Variants in PLPP5 observed in about 807,000 individuals in gnomAD.
The protein encoded by PLPP5 is diacylglycerol pyrophosphate like 1.
In PLPP5, 29 loss-of-function variants were observed where a neutral mutation model predicts 23.6. The ratio of observed to expected loss-of-function variants is 1.23; its 90% CI spans 0.92 to 1.68. The LOEUF (loss-of-function observed/expected upper bound fraction) is 1.68, where lower values mean the gene tolerates loss of function less well. Ranked by LOEUF, PLPP5 falls within the 40% of genes most tolerant of loss-of-function variation. The probability of loss-of-function intolerance (pLI) is 0.00; values close to 1 mark genes in which losing one functional copy is unlikely to be tolerated. For missense variants in PLPP5, 315 were observed against 332.1 expected (o/e 0.95, Z 0.40); for synonymous variants, 143 against 131.3 (o/e 1.09, Z -0.61).
At chr8:38,266,776 A>C (rs1322022314) in intron 5 of PLPP5, among the ~76,000 whole-genome samples, 1 of 152,206 alleles carries the variant, frequency 6.6e-6, no homozygotes, top group Non-Finnish European at 1.5e-5. Flanking sequence ...AAAAAGAAAA[A>C]TGAAGGACTT....
At chr8:38,268,235 C>A in intron 3 of PLPP5, 136 bp downstream of exon 3, 1 of 1,065,694 alleles carries the variant, frequency 9.4e-7, no homozygotes. Flanking sequence ...GTGCTATTTT[C>A]CTCTCCCGCG....
intron 3 of PLPP5, 165 bp from the exon 4 acceptor site, chr8:38,268,125 A>G: frequency 7.0e-7 from 1 of 1,431,534 alleles, no homozygotes; most frequent in African/African-American, 1.4e-5. Context: ...GTAGCCGAGA[A>G]CTTTTGTACT....
intron 3 of PLPP5, 65 bp downstream of exon 3, chr8:38,268,306 G>T: frequency 7.1e-7 from 1 of 1,409,996 alleles, no homozygotes; most frequent in South Asian, 1.2e-5. Context: ...CACCGTGGCT[G>T]AATCCCACAA....
chr8:38,264,773 CAT>C (rs1807324070), intron 6 of PLPP5, 169 bp from the exon 7 acceptor site: 1 of 1,469,462 alleles, frequency 6.8e-7, no homozygotes, highest in African/African-American at 1.4e-5. Context: ...TCAATTTTAT[CAT>C]AGTTACAGTA....
At chr8:38,269,042 TC>T in intron 1 of PLPP5, 52 bp from the exon 2 acceptor site, 1 of 1,526,904 alleles carries the variant, frequency 6.5e-7, no homozygotes, top group East Asian at 2.6e-5. Context: ...CCTCCCCGCT[TC>T]CCCACTGCCC....
chr8:38,268,966 G>A lies in PLPP5; in HGVS notation c.99C>T (p.Phe33=), dbSNP rs1182320337. The A allele has an allele frequency of 6.4e-7, 1 of 1,568,782 alleles. No homozygotes were observed. The highest frequency in any genetic ancestry group is 2.4e-5 in the East Asian group (1 of 40,992). ...TCTCCTCCGGCTGGATGAGTCTCTGGAACGGGGGGAGCAGCTCCGTCACCC... is the reference window on the plus strand; with the variant it reads ...TCTCCTCCGGCTGGATGAGTCTCTGAAACGGGGGGAGCAGCTCCGTCACCC... The part of the protein sequence containing the change: ...AFLVTELLPP[F]QRLIQPEEMW... Residue 33 remains phenylalanine (F), a synonymous_variant, in exon 2 of 7, where the codon TTC becomes TTT. Transcript: ENST00000424479.
intron 5 of PLPP5, chr8:38,266,985 G>A (rs1807712460): frequency 1.6e-6 from 2 of 1,266,458 alleles, no homozygotes; most frequent in Non-Finnish European, 2.0e-6. Flanking sequence ...GAAACTCTTC[G>A]TTAAAGGTAT....
In PLPP5 at chr8:38,264,252, A is replaced by G. The variant is rs989105505; in HGVS notation, c.*192T>C. 1.3e-4 allele frequency: 96 copies of G among 753,726 alleles called. No individual in the cohort carries two copies. Among genetic ancestry groups the G allele is most frequent in the Admixed American group, 4.2e-5 (1 of 23,722 alleles). The allele number at this position is 753,726 out of a possible 1,614,324, so 46.7% of individuals were successfully genotyped here. ...AACCTCCAGCTCCCAGGTTCAAGCA[A>G]TTCTCCTACCTCAGCCTCCCAGGTA... On this transcript the variant is annotated 3_prime_UTR_variant, in exon 7 of 7. Coordinates refer to ENST00000424479, the MANE Select transcript of PLPP5 (RefSeq NM_001102559.2).
At chr8:38,267,093 T>G in intron 5 of PLPP5, 174 bp downstream of exon 5, 2 of 1,461,890 alleles carry the variant, frequency 1.4e-6, no homozygotes, top group Non-Finnish European at 1.8e-6. Flanking sequence ...TTCTGTAATA[T>G]TTACCCAAAT....
In PLPP5 at chr8:38,269,193, T is replaced by G. The variant is rs1012417110; in HGVS notation, c.7A>C (p.Lys3Gln). MG[K>Q]AAAAVAFGAE... The stretch of plus-strand genomic sequence containing the variant: ...CCAAAGGCCACCGCCGCCGCCGCCT[T>G]CCCCATCCGGCCGCGAGCTCCGAGC... Residue 3 changes from lysine (K) to glutamine (Q), a missense_variant, in exon 1 of 7, where the codon AAG (lysine) becomes CAG (glutamine). Physicochemically the swap from Lys to Gln is moderately conservative, Grantham distance 53. Transcript: ENST00000424479. 2.2e-4 allele frequency: 325 copies of G among 1,499,974 alleles called. 1 individual carries two copies. Among genetic ancestry groups the G allele is most frequent in the Non-Finnish European group, 2.8e-4 (319 of 1,132,554 alleles). 92.9% of individuals were successfully genotyped at this position (1,499,974 alleles called of 1,614,324 possible). A position where few individuals can be genotyped will look rare whatever the true frequency, so the allele number is the denominator to read the frequency against.
chr8:38,266,700 A>G (rs183449206), intron 5 of PLPP5, among the ~76,000 whole-genome samples: 300 of 152,280 alleles, frequency 2.0e-3, no homozygotes, highest in African/African-American at 6.4e-3. Flanking sequence ...ACACCCGGCC[A>G]TGAGGGTGTT....
In PLPP5 at chr8:38,266,909, C is replaced by T. The variant is rs116854796; in HGVS notation, c.463+358G>A. On this transcript the variant is annotated intron_variant, in intron 5 of 6. Transcript: ENST00000424479. ...GACTCATAAATACAATAGTCCCCAC[C>T]TCATTGGATTATTGTGAGCTATAAT... The T allele has an allele frequency of 6.7e-4, 317 of 473,536 alleles. 2 individuals carry two copies. The East Asian group carries it at 0.018, about 26-fold the overall frequency. The allele number at this position is 473,536 out of a possible 1,614,324, so 29.3% of individuals were successfully genotyped here.
rs2130909157 is a variant in PLPP5 at position 38,264,236 on chromosome 8, C to T, written c.*208G>A. ...GATCTCGGCTCACTGGAACCTCCAG[C>T]TCCCAGGTTCAAGCAATTCTCCTAC... is the stretch of plus-strand genomic sequence containing the variant. On this transcript the variant is annotated 3_prime_UTR_variant, in exon 7 of 7. Coordinates refer to ENST00000424479, the MANE Select transcript of PLPP5 (RefSeq NM_001102559.2). The T allele has an allele frequency of 1.2e-6, 1 of 813,132 alleles. No individual in the cohort carries two copies. Among genetic ancestry groups the T allele is most frequent in the African/African-American group, 1.8e-5 (1 of 55,564 alleles). 50.4% of individuals were successfully genotyped at this position (813,132 alleles called of 1,614,324 possible). A position where few individuals can be genotyped will look rare whatever the true frequency, so the allele number is the denominator to read the frequency against.
chr8:38,266,131 C>T lies in PLPP5; in HGVS notation c.634+10G>A. 5 of 1,613,330 alleles carry T rather than the reference C, an allele frequency of 3.1e-6. No homozygotes were observed. Among genetic ancestry groups the T allele is most frequent in the Non-Finnish European group, 4.2e-6 (5 of 1,179,430 alleles). On this transcript the variant is annotated intron_variant, in intron 6 of 6. Transcript: ENST00000424479. ...TATGCAAGCTTCCATAGCCTGAGTA[C>T]TTTGCTTACCTTGCCAGTGATGCTT...
At chr8:38,268,819 G>C (rs2130955573) in intron 2 of PLPP5, 63 bp downstream of exon 2, 2 of 1,464,344 alleles carry the variant, frequency 1.4e-6, no homozygotes, top group East Asian at 5.2e-5. Context: ...GGTGGAAAAC[G>C]CACAGGTGCC....
rs200119727 is a variant in PLPP5, at chr8:38,268,859, A to G, written c.183+23T>C. On this transcript the variant is annotated intron_variant, in intron 2 of 6. Coordinates refer to ENST00000424479, the MANE Select transcript of PLPP5 (RefSeq NM_001102559.2). ...GGAAGCCGGGTCATGGGGAGGGAGG[A>G]AAGACGATCTTTCTCCACGCACAAA... The G allele has an allele frequency of 1.2e-3, 1,897 of 1,533,966 alleles. 2 individuals carry two copies. Among genetic ancestry groups the G allele is most frequent in the Non-Finnish European group, 1.5e-3 (1,771 of 1,144,648 alleles).
chr8:38,269,019 G>C (rs1448644572), intron 1 of PLPP5, 29 bp from the exon 2 acceptor site: 1 of 1,550,086 alleles, frequency 6.5e-7, no homozygotes, highest in Non-Finnish European at 8.7e-7. Flanking sequence ...GCGCAGAGCA[G>C]GTCGCCTGGC....
At position 38,268,961 on chromosome 8, in the gene PLPP5, C is replaced by G. The variant is rs766773305; in HGVS notation, c.104G>C (p.Arg35Thr). Residue 35 changes from arginine to threonine, a missense_variant, in exon 2 of 7, where the codon AGA becomes ACA. Coordinates refer to ENST00000424479, the MANE Select transcript of PLPP5 (RefSeq NM_001102559.2). ...LVTELLPPFQ[R>T]LIQPEEMWLY... ...CCACATCTCCTCCGGCTGGATGAGT[C>G]TCTGGAACGGGGGGAGCAGCTCCGT... 1 of 1,568,038 alleles carries G rather than the reference C, an allele frequency of 6.4e-7. No individual in the cohort carries two copies. The highest frequency in any genetic ancestry group is 8.6e-7 in the Non-Finnish European group (1 of 1,162,874).
intron 6 of PLPP5, chr8:38,264,905 C>CT: frequency 1.2e-6 from 2 of 1,612,782 alleles, no homozygotes; most frequent in Non-Finnish European, 1.7e-6. Context: ...TAACAAAGGT[C>CT]CACTTATTGC....
Sources: allele counts gnomAD v4.1 joint callset (sites outside exome capture counted in the v4.1 genomes callset), GRCh38; gene constraint gnomAD v4.1.1; transcripts MANE v1.5; gene names NCBI Gene and HGNC (gene_info 2026-07-23, HGNC 2026-07-21).